The following ARCN1 variants were observed in gnomAD, a reference collection of about 807,000 sequenced individuals.
ARCN1 encodes coatomer subunit delta.
Under a neutral mutation model 60.4 loss-of-function variants are expected in ARCN1, and 5 were observed. The observed-to-expected ratio is 0.08, with a 90% CI of 0.04 to 0.17. The LOEUF is 0.17. ARCN1 is among the 10% of genes least tolerant of loss of function. ARCN1 has a pLI of 1.00. For synonymous variants in ARCN1, 224 were observed against 220.0 expected (o/e 1.02, Z -0.16); for missense variants, 464 against 626.5 (o/e 0.74, Z 2.77).
chr11:118,586,447 A>C (rs782248287), intron 5 of ARCN1, among the ~76,000 whole-genome samples: 1 of 152,144 alleles, frequency 6.6e-6, no homozygotes, highest in South Asian at 2.1e-4. Context: ...ACAGGGTTAC[A>C]TTGGGATAAA....
rs1314506717 is a variant in ARCN1 at position 118,594,738 on chromosome 11, C to T, written c.1241+1040C>T. Among the ~76,000 whole-genome samples the T allele has an allele frequency of 5.9e-5, 9 of 151,718 alleles. No individual in the cohort carries two copies. The South Asian group carries it at 1.7e-3, about 28-fold the overall frequency. ...ATAATTTTTGTATTATTAGTAGAGA[C>T]GGGGTTTCACCATGTTGGCCAGGCT... On this transcript the variant is annotated intron_variant, in intron 8 of 9. Coordinates refer to ENST00000264028, the MANE Select transcript of ARCN1 (RefSeq NM_001655.5).
At position 118,602,754 on chromosome 11, in the gene ARCN1, A is replaced by G. The variant is rs1311969296; in HGVS notation, c.*2040A>G. 6.5e-6 allele frequency: 1 copy of G among 153,722 alleles called. No homozygotes were observed. Among genetic ancestry groups the G allele is most frequent in the Non-Finnish European group, 1.5e-5 (1 of 68,042 alleles). 9.5% of individuals were successfully genotyped at this position (153,722 alleles called of 1,614,324 possible). A position where few individuals can be genotyped will look rare whatever the true frequency, so the allele number is the denominator to read the frequency against. On this transcript the variant is annotated 3_prime_UTR_variant, in exon 10 of 10. Transcript: ENST00000264028. ...TGTTTGAAAGTTGTTTGTCCGTATG[A>G]TTTTTTAAAAGTCAAGTTTAATTTC... is the stretch of plus-strand genomic sequence containing the variant.
rs782327218 is a variant in ARCN1 at position 118,583,215 on chromosome 11, A to G, written c.304A>G (p.Ile102Val). Residue 102 changes from isoleucine (I) to valine (V), a missense_variant, in exon 3 of 10, where the codon ATA becomes GTA. Physicochemically the swap from Ile to Val is conservative, Grantham distance 29. Coordinates refer to ENST00000264028, the MANE Select transcript of ARCN1 (RefSeq NM_001655.5). ...TTGCCGAGCCTTAGAAGAGAATGAA[A>G]TATCTGAGCACTGTTTTGATTTGAT... The part of the protein sequence containing the change: ...EYCRALEENE[I>V]SEHCFDLIFA... 1.7e-5 allele frequency: 27 copies of G among 1,614,066 alleles called. No homozygotes were observed. The highest frequency in any genetic ancestry group is 2.7e-5 in the African/African-American group (2 of 74,930).
At chr11:118,589,979 C>T (rs928088209) in intron 5 of ARCN1, among the ~76,000 whole-genome samples, 1 of 151,992 alleles carries the variant, frequency 6.6e-6, no homozygotes, top group Non-Finnish European at 1.5e-5. Flanking sequence ...TGATTTCTAC[C>T]TTTCTTTTTT....
At chr11:118,591,302 C>G (rs1368272872) in intron 6 of ARCN1, among the ~76,000 whole-genome samples, 1 of 152,212 alleles carries the variant, frequency 6.6e-6, no homozygotes, top group Non-Finnish European at 1.5e-5. Flanking sequence ...GTAGTCAGCA[C>G]AGAATTGTCT....
At chr11:118,573,963 A>G (rs1268134512) in intron 1 of ARCN1, among the ~76,000 whole-genome samples, 1 of 152,166 alleles carries the variant, frequency 6.6e-6, no homozygotes, top group African/African-American at 2.4e-5. Flanking sequence ...TTTTATTTTA[A>G]TAGTAAAGTT....
At chr11:118,597,595 TGTA>T in intron 8 of ARCN1, 109 bp from the exon 9 acceptor site, 1 of 1,080,158 alleles carries the variant, frequency 9.3e-7, no homozygotes. Context: ...CCCCTGAAAT[TGTA>T]GTCCTAGAAG....
intron 7 of ARCN1, 57 bp downstream of exon 7, chr11:118,592,913 C>T: frequency 6.7e-7 from 1 of 1,485,992 alleles, no homozygotes; most frequent in Non-Finnish European, 9.1e-7. Flanking sequence ...TAGAAATAGC[C>T]CTTGCTGGTA....
intron 1 of ARCN1, among the ~76,000 whole-genome samples, chr11:118,577,462 G>T (rs1938544473): frequency 6.6e-6 from 1 of 151,970 alleles, no homozygotes; most frequent in East Asian, 1.9e-4. Flanking sequence ...TGACCAGGCT[G>T]GTCTCGAACT....
Position 118,581,618 on chromosome 11 carries a change from C to T in ARCN1, c.267+109C>T, listed in dbSNP as rs1202133746. On this transcript the variant is annotated intron_variant, in intron 2 of 9. Transcript: ENST00000264028. ...CTAACCAGTTTGCAGGTTCCTACTC[C>T]GCACCCCAGCGACTTATTGCTGCAG... 5 of 1,115,692 alleles carry T rather than the reference C, an allele frequency of 4.5e-6. No individual in the cohort carries two copies. The African/African-American group carries it at 4.7e-5, about 11-fold the overall frequency. The allele number at this position is 1,115,692 out of a possible 1,614,324, so 69.1% of individuals were successfully genotyped here. A position where few individuals can be genotyped will look rare whatever the true frequency, so the allele number is the denominator to read the frequency against.
At chr11:118,577,930 C>T (rs1555073979) in intron 1 of ARCN1, among the ~76,000 whole-genome samples, 1 of 152,096 alleles carries the variant, frequency 6.6e-6, no homozygotes, top group Non-Finnish European at 1.5e-5. Context: ...CCAAGGCGCG[C>T]AGATGACTTG....
chr11:118,579,031 C>T (rs11216909), intron 1 of ARCN1, among the ~76,000 whole-genome samples: 27,980 of 151,380 alleles, frequency 0.18, 3,260 homozygotes, highest in East Asian at 0.53. Context: ...TATAGCACTT[C>T]TGAAGTACAG....
intron 1 of ARCN1, among the ~76,000 whole-genome samples, chr11:118,578,104 G>A (rs1254100942): frequency 6.6e-6 from 1 of 151,910 alleles, no homozygotes; most frequent in Non-Finnish European, 1.5e-5. Flanking sequence ...AGAGCTTGCA[G>A]TGAGCCAAGA....
chr11:118,573,306 G>A (rs1555072808), intron 1 of ARCN1, among the ~76,000 whole-genome samples: 1 of 152,192 alleles, frequency 6.6e-6, no homozygotes, highest in East Asian at 1.9e-4. Flanking sequence ...GCATGTCGTA[G>A]TCAGATGTCT....
chr11:118,594,748 C>T (rs1008188392), intron 8 of ARCN1, among the ~76,000 whole-genome samples: 4 of 151,918 alleles, frequency 2.6e-5, no homozygotes, highest in African/African-American at 9.7e-5. Context: ...CGGGGTTTCA[C>T]CATGTTGGCC....
chr11:118,600,140 T>G (rs1939117705), intron 9 of ARCN1, among the ~76,000 whole-genome samples: 1 of 152,222 alleles, frequency 6.6e-6, no homozygotes, highest in African/African-American at 2.4e-5. Context: ...GGACATTTAT[T>G]TATTTAAAAA....
intron 5 of ARCN1, among the ~76,000 whole-genome samples, chr11:118,588,094 C>T (rs555340273): frequency 6.6e-6 from 1 of 152,274 alleles, no homozygotes; most frequent in Non-Finnish European, 1.5e-5. Context: ...TTCAGCTGTC[C>T]AGAAGCTTCC....
intron 6 of ARCN1, among the ~76,000 whole-genome samples, chr11:118,590,870 A>G (rs1370937792): frequency 1.3e-5 from 2 of 152,228 alleles, no homozygotes; most frequent in Non-Finnish European, 2.9e-5. Flanking sequence ...ACAAGGCTTT[A>G]GGCCAAGTGT....
chr11:118,578,924 C>T (rs1565359106), intron 1 of ARCN1, among the ~76,000 whole-genome samples: 1 of 128,584 alleles, frequency 7.8e-6, no homozygotes, highest in African/African-American at 3.0e-5. Flanking sequence ...AAAGAAAAAT[C>T]CATTACCTTG....
Sources: gnomAD v4.1 joint callset for allele counts (sites outside exome capture counted in the v4.1 genomes callset) on GRCh38, gnomAD v4.1.1 for gene constraint, MANE v1.5 for transcripts, NCBI Gene and HGNC (gene_info 2026-07-23, HGNC 2026-07-21) for gene names.